RTN4: variants seen among roughly 807,000 people sequenced by gnomAD.
The protein encoded by RTN4 is reticulon 4, also known as reticulon-4.
A neutral mutation model predicts 90.4 loss-of-function variants in RTN4; 32 were observed. That is an observed-to-expected ratio of 0.35 (90% confidence interval 0.27 to 0.48). The LOEUF (loss-of-function observed/expected upper bound fraction) is 0.48, where lower values mean the gene tolerates loss of function less well. Among genes scored for constraint, RTN4 ranks in the 20% least tolerant of loss-of-function variants. The pLI, the probability that RTN4 is intolerant of heterozygous loss-of-function variation, is 0.99. For missense variants in RTN4, 1,706 were observed against 1,430.2 expected (o/e 1.19, Z -3.11); for synonymous variants, 629 against 552.5 (o/e 1.14, Z -1.94).
chr2:54,993,533 T>A (rs1300224920), intron 3 of RTN4, among the ~76,000 whole-genome samples: 1 of 152,224 alleles, frequency 6.6e-6, no homozygotes, highest in Non-Finnish European at 1.5e-5. Flanking sequence ...TAGTAAGCCC[T>A]AACCTACCAC....
At position 55,050,334 on chromosome 2, in the gene RTN4, C is replaced by T; in HGVS notation, c.-34G>A. The T allele has an allele frequency of 3.0e-6, 4 of 1,313,416 alleles. No homozygotes were observed. Among genetic ancestry groups the T allele is most frequent in the South Asian group, 1.9e-5 (1 of 51,838 alleles). The allele number at this position is 1,313,416 out of a possible 1,614,324, so 81.4% of individuals were successfully genotyped here. On this transcript the variant is annotated 5_prime_UTR_variant, in exon 1 of 9. Transcript: ENST00000337526. This position sits in a 1 kb window ranked among gnomAD's most constrained non-coding sequence, Gnocchi z 4.6. ...GGTGGAGATGATGCTGCAGCTGCTGCCGCCGCCGCCGGGGCCGCGTCTCAG... is the reference window on the plus strand; with the variant it reads ...GGTGGAGATGATGCTGCAGCTGCTGTCGCCGCCGCCGGGGCCGCGTCTCAG...
At chr2:54,995,871 C>G (rs912362461) in intron 3 of RTN4, among the ~76,000 whole-genome samples, 1 of 152,070 alleles carries the variant, frequency 6.6e-6, no homozygotes, top group Non-Finnish European at 1.5e-5. Context: ...GTGGCCCCAG[C>G]AAGGAATTGT....
At chr2:55,069,133 A>G (rs1381904680) in intron 2 of RTN4, among the ~76,000 whole-genome samples, 1 of 152,244 alleles carries the variant, frequency 6.6e-6, no homozygotes, top group African/African-American at 2.4e-5. Context: ...CAGGAGGAGC[A>G]CCCAGGGGTC....
At chr2:55,080,862 T>C (rs1402602696) in intron 1 of RTN4, among the ~76,000 whole-genome samples, 1 of 152,218 alleles carries the variant, frequency 6.6e-6, no homozygotes, top group African/African-American at 2.4e-5. Flanking sequence ...CTTAATTAAG[T>C]TGATTTGAAA....
At position 54,973,648 on chromosome 2, in the gene RTN4, T is replaced by G. The variant is rs184818504; in HGVS notation, c.3478-27A>C. ...TGAAAGAGAGGTATAAAGGAATTAT[T>G]ACCGTTGCTAAAGAATCTTATTAAC... On this transcript the variant is annotated intron_variant, in intron 7 of 8. Transcript: ENST00000337526. The G allele has an allele frequency of 8.2e-5, 130 of 1,582,510 alleles. No individual in the cohort carries two copies. In the East Asian group the frequency reaches 2.9e-3, roughly 35 times the overall value.
chr2:55,075,402 C>T (rs575081462), intron 2 of RTN4, among the ~76,000 whole-genome samples: 24 of 152,056 alleles, frequency 1.6e-4, no homozygotes, highest in South Asian at 4.1e-4. Context: ...AAGGCCATTA[C>T]GAGGAAAATT....
At chr2:55,049,415 G>A (rs1667965604) in intron 1 of RTN4, 2 of 348,262 alleles carry the variant, frequency 5.7e-6, no homozygotes, top group East Asian at 5.9e-5. Context: ...CACAACCCTG[G>A]CTCTCGGGTA....
chr2:55,114,924 A>G (rs569090809), upstream of RTN4, among the ~76,000 whole-genome samples: 16 of 152,138 alleles, frequency 1.1e-4, no homozygotes, highest in South Asian at 3.3e-3. Context: ...TACGAGATAG[A>G]GGTATTTATT....
At position 54,972,500 on chromosome 2, in the gene RTN4, A is replaced by G. The variant is rs888048573; in HGVS notation, c.*656T>C. ...CTAGAAATATTTCTTCTTCTAGCTT[A>G]TGTGCTTTGGAACTACACATGTATA... On this transcript the variant is annotated 3_prime_UTR_variant, in exon 9 of 9. Coordinates refer to ENST00000337526, the MANE Select transcript of RTN4 (RefSeq NM_020532.5). 2 of 152,648 alleles carry G rather than the reference A, an allele frequency of 1.3e-5. No homozygotes were observed. Among genetic ancestry groups the G allele is most frequent in the African/African-American group, 4.8e-5 (2 of 41,452 alleles). The allele number at this position is 152,648 out of a possible 1,614,324, so 9.5% of individuals were successfully genotyped here.
At chr2:55,051,439 A>G (rs972171776), upstream of RTN4, among the ~76,000 whole-genome samples, 2 of 152,250 alleles carry the variant, frequency 1.3e-5, no homozygotes, top group African/African-American at 4.8e-5. Context: ...TTGGTTTGAT[A>G]TGCAGGAATA....
the RTN4 span, among the ~76,000 whole-genome samples, chr2:55,119,771 T>C: frequency 6.6e-6 from 1 of 152,204 alleles, no homozygotes. Context: ...ATCTAGGGCA[T>C]GTGGTTTCCA....
intron 4 of RTN4, among the ~76,000 whole-genome samples, chr2:54,984,659 C>T (rs1678405775): frequency 1.3e-5 from 2 of 152,216 alleles, no homozygotes; most frequent in Non-Finnish European, 2.9e-5. Flanking sequence ...CAGCACTGTT[C>T]ATCACTCAGT....
chr2:55,093,738 C>G (rs745413926), intron 1 of RTN4, among the ~76,000 whole-genome samples: 3 of 152,168 alleles, frequency 2.0e-5, no homozygotes, highest in African/African-American at 4.8e-5. Flanking sequence ...TCAATTGTTT[C>G]CTCCTCTGAT....
intron 1 of RTN4, among the ~76,000 whole-genome samples, chr2:55,043,967 G>A (rs116836760): frequency 3.1e-3 from 478 of 152,048 alleles, no homozygotes; most frequent in African/African-American, 7.3e-3. Flanking sequence ...CCAGCACTTC[G>A]AGAAGACTGC....
At chr2:55,090,399 C>T (rs545753106) in intron 1 of RTN4, among the ~76,000 whole-genome samples, 2 of 152,338 alleles carry the variant, frequency 1.3e-5, no homozygotes, top group South Asian at 4.1e-4. Flanking sequence ...CAGTTCCCTG[C>T]ACACTCAATA....
chr2:55,073,549 A>T (rs1014124987), intron 2 of RTN4, among the ~76,000 whole-genome samples: 1 of 152,234 alleles, frequency 6.6e-6, no homozygotes, highest in African/African-American at 2.4e-5. Context: ...TTGGGAAGCA[A>T]TTCTGGGAAT....
At chr2:54,984,463 T>G (rs1394808640) in intron 4 of RTN4, among the ~76,000 whole-genome samples, 2 of 152,224 alleles carry the variant, frequency 1.3e-5, no homozygotes, top group Non-Finnish European at 2.9e-5. Flanking sequence ...TACCCAAATT[T>G]GAGAAATATA....
At chr2:54,990,697 AGCT>A (rs1376127531) in intron 3 of RTN4, among the ~76,000 whole-genome samples, 1 of 152,236 alleles carries the variant, frequency 6.6e-6, no homozygotes, top group Non-Finnish European at 1.5e-5. Flanking sequence ...AGAATTTTAA[AGCT>A]TATCTAAGTT....
intron 1 of RTN4, among the ~76,000 whole-genome samples, chr2:55,047,324 T>A (rs1186109079): frequency 1.5e-5 from 2 of 131,048 alleles, no homozygotes; most frequent in African/African-American, 3.3e-5. Flanking sequence ...GGGGAGACTA[T>A]CTCAAAAAAA....
Sources: gnomAD v4.1 joint callset for allele counts (sites outside exome capture counted in the v4.1 genomes callset) on GRCh38, gnomAD v4.1.1 for gene constraint, Gnocchi (gnomAD v3.1) non-coding constraint, MANE v1.5 for transcripts, NCBI Gene and HGNC (gene_info 2026-07-23, HGNC 2026-07-21) for gene names.